Variants in BANK1 observed in about 807,000 individuals in gnomAD.
BANK1 encodes the protein B-cell scaffold protein with ankyrin repeats.
Under a neutral mutation model 94.5 loss-of-function variants are expected in BANK1, and 95 were observed. The ratio of observed to expected loss-of-function variants is 1.00; its 90% CI spans 0.85 to 1.19. BANK1 has a LOEUF of 1.19. Ranked by LOEUF, BANK1 falls within the 50% of genes most tolerant of loss-of-function variation. The pLI, the probability that BANK1 is intolerant of heterozygous loss-of-function variation, is 0.00. For synonymous variants in BANK1, 334 were observed against 308.4 expected (o/e 1.08, Z -0.87); for missense variants, 987 against 932.2 (o/e 1.06, Z -0.77).
At chr4:101,938,232 TATAATA>T (rs1051906904) in intron 7 of BANK1, among the ~76,000 whole-genome samples, 1 of 151,450 alleles carries the variant, frequency 6.6e-6, no homozygotes, top group African/African-American at 2.4e-5. Context: ...GAGTTTAAAA[TATAATA>T]ATAATAATAA....
chr4:101,870,763 A>C, intron 5 of BANK1, 119 bp downstream of exon 5: 1 of 1,167,918 alleles, frequency 8.6e-7, no homozygotes. Flanking sequence ...AATTACTACC[A>C]ATCAATAGGA....
chr4:101,997,098 C>T (rs1265451086), intron 7 of BANK1, among the ~76,000 whole-genome samples: 1 of 152,054 alleles, frequency 6.6e-6, no homozygotes, highest in Non-Finnish European at 1.5e-5. Context: ...TTTTGAGATA[C>T]ATTCCATCAA....
chr4:101,795,108 C>A (rs534555118), intron 1 of BANK1, among the ~76,000 whole-genome samples: 34 of 151,790 alleles, frequency 2.2e-4, no homozygotes, highest in African/African-American at 8.2e-4. Flanking sequence ...CTCCTTTGGT[C>A]GGGAACAATA....
At chr4:102,058,598 A>G (rs1728312090) in intron 11 of BANK1, among the ~76,000 whole-genome samples, 1 of 152,016 alleles carries the variant, frequency 6.6e-6, no homozygotes, top group Non-Finnish European at 1.5e-5. Context: ...TTTGACTTGT[A>G]TACCCTTAGA....
chr4:102,014,956 C>A (rs1189902506), intron 7 of BANK1, among the ~76,000 whole-genome samples: 1 of 152,086 alleles, frequency 6.6e-6, no homozygotes, highest in African/African-American at 2.4e-5. Context: ...TTAGCTTCAA[C>A]CTTTGACTTA....
chr4:101,913,194 A>C (rs2148898339), intron 6 of BANK1, among the ~76,000 whole-genome samples: 1 of 152,196 alleles, frequency 6.6e-6, no homozygotes, highest in African/African-American at 2.4e-5. Context: ...AAAGTTGGTA[A>C]TTTTCAAAAG....
At chr4:101,947,674 T>G (rs1175452261) in intron 7 of BANK1, among the ~76,000 whole-genome samples, 4 of 151,896 alleles carry the variant, frequency 2.6e-5, no homozygotes, top group Non-Finnish European at 5.9e-5. Flanking sequence ...ATTATGAATA[T>G]CCAAAGAAAT....
intron 3 of BANK1, among the ~76,000 whole-genome samples, chr4:101,859,269 A>G (rs1727785801): frequency 6.6e-6 from 1 of 152,222 alleles, no homozygotes; most frequent in African/African-American, 2.4e-5. Context: ...TGACCAAAAG[A>G]TGTCTCTTTC....
At chr4:102,042,860 T>C (rs951226001) in intron 10 of BANK1, among the ~76,000 whole-genome samples, 1 of 151,968 alleles carries the variant, frequency 6.6e-6, no homozygotes, top group Non-Finnish European at 1.5e-5. Flanking sequence ...ATAATAGTTA[T>C]GGAGGGGAAG....
At chr4:102,023,996 A>G in intron 8 of BANK1, among the ~76,000 whole-genome samples, 1 of 152,328 alleles carries the variant, frequency 6.6e-6, no homozygotes, top group South Asian at 2.1e-4. Flanking sequence ...AAAAACAAAT[A>G]ACTATCCACT....
intron 2 of BANK1, 129 bp from the exon 3 acceptor site, chr4:101,854,906 C>T: frequency 1.6e-6 from 1 of 611,556 alleles, no homozygotes; most frequent in Non-Finnish European, 2.8e-6. Context: ...TCAATTATTT[C>T]AGCTATCTTA....
chr4:101,993,164 G>A (rs1468385371), intron 7 of BANK1, among the ~76,000 whole-genome samples: 1 of 152,136 alleles, frequency 6.6e-6, no homozygotes, highest in African/African-American at 2.4e-5. Flanking sequence ...ATTCTGTACT[G>A]GACCTGCCTA....
intron 11 of BANK1, among the ~76,000 whole-genome samples, chr4:102,048,611 G>A (rs1370691599): frequency 1.3e-5 from 2 of 152,056 alleles, no homozygotes; most frequent in Non-Finnish European, 2.9e-5. Context: ...TTTGTCAGAG[G>A]CAAGATTTTC....
At position 101,969,810 on chromosome 4, in the gene BANK1, C is replaced by T. The variant is rs541570633; in HGVS notation, c.1206+51621C>T. Reference sequence around the variant, plus strand: ...GTGGTGTTCCCCCGCTCCACACCAGCAAAGCAAATGGTAGGAGACCATTTC... The same window carrying T: ...GTGGTGTTCCCCCGCTCCACACCAGTAAAGCAAATGGTAGGAGACCATTTC... On this transcript the variant is annotated intron_variant, in intron 7 of 16. Transcript: ENST00000322953. Among the ~76,000 whole-genome samples, 4 of 152,126 alleles carry T rather than the reference C, an allele frequency of 2.6e-5. No homozygotes were observed. In the South Asian group the frequency reaches 8.3e-4, roughly 32 times the overall value.
chr4:102,025,688 C>G (rs144988833), intron 9 of BANK1, among the ~76,000 whole-genome samples, 179 bp downstream of exon 9: 1 of 152,268 alleles, frequency 6.6e-6, no homozygotes, highest in East Asian at 1.9e-4. Flanking sequence ...ATACCTACCT[C>G]TACCTTGTTC....
chr4:102,018,006 T>C (rs1726768521), intron 7 of BANK1, among the ~76,000 whole-genome samples: 1 of 152,186 alleles, frequency 6.6e-6, no homozygotes, highest in Non-Finnish European at 1.5e-5. Context: ...GGAAATTATA[T>C]GAATGTGCTT....
chr4:101,945,119 T>A (rs1281078696), intron 7 of BANK1, among the ~76,000 whole-genome samples: 3 of 152,028 alleles, frequency 2.0e-5, no homozygotes, highest in Non-Finnish European at 4.4e-5. Flanking sequence ...TTGATATTTG[T>A]ACAATTTACC....
chr4:101,968,298 T>G (rs147644991), intron 7 of BANK1, among the ~76,000 whole-genome samples: 75 of 152,204 alleles, frequency 4.9e-4, no homozygotes, highest in Middle Eastern at 3.4e-3. Flanking sequence ...ACAAAATTGC[T>G]GGGAGGCATT....
intron 11 of BANK1, among the ~76,000 whole-genome samples, chr4:102,046,411 A>G (rs1404298580): frequency 6.6e-6 from 1 of 152,118 alleles, no homozygotes; most frequent in South Asian, 2.1e-4. Context: ...CCTTATCAGA[A>G]TGTTTGTGAT....
Sources: gnomAD v4.1 joint callset for allele counts (sites outside exome capture counted in the v4.1 genomes callset) on GRCh38, gnomAD v4.1.1 for gene constraint, MANE v1.5 for transcripts, NCBI Gene and HGNC (gene_info 2026-07-23, HGNC 2026-07-21) for gene names.